The following ARFGEF3 variants were observed in gnomAD, a reference collection of about 807,000 sequenced individuals.
ARFGEF3 encodes the protein ARFGEF family member 3.
ARFGEF3 carries 96 observed loss-of-function variants against 221.7 expected under a neutral mutation model. That is an observed-to-expected ratio of 0.43 (90% CI 0.37 to 0.51). The LOEUF (loss-of-function observed/expected upper bound fraction) is 0.51. Among genes scored for constraint, ARFGEF3 ranks in the 20% least tolerant of loss-of-function variants. The pLI is 0.00. For missense variants in ARFGEF3, 2,410 were observed against 2,789.9 expected, an observed-to-expected ratio of 0.86 and a Z score of 3.07; for synonymous variants, 1,145 against 1,126.8, an observed-to-expected ratio of 1.02 and a Z score of -0.32.
At chr6:138,331,139 A>G (rs1250183475) in intron 32 of ARFGEF3, among the ~76,000 whole-genome samples, 1 of 152,264 alleles carries the variant, frequency 6.6e-6, no homozygotes, top group Non-Finnish European at 1.5e-5. Context: ...AGAACAGCCT[A>G]ATGTCCTTAT....
chr6:138,259,045 A>G (rs1459443381), intron 10 of ARFGEF3, among the ~76,000 whole-genome samples: 1 of 152,334 alleles, frequency 6.6e-6, no homozygotes, highest in Middle Eastern at 3.4e-3. Context: ...ATTTGATGGT[A>G]GCACCCAAGT....
chr6:138,190,560 A>G (rs1777284586), intron 2 of ARFGEF3, among the ~76,000 whole-genome samples: 1 of 152,238 alleles, frequency 6.6e-6, no homozygotes, highest in African/African-American at 2.4e-5. Flanking sequence ...TCTGAGGCTA[A>G]ATTTAATGGT....
At chr6:138,184,553 A>G (rs1370808895) in intron 2 of ARFGEF3, among the ~76,000 whole-genome samples, 2 of 152,238 alleles carry the variant, frequency 1.3e-5, no homozygotes, top group Non-Finnish European at 2.9e-5. Flanking sequence ...GGATTTAAGT[A>G]GCATTATTTC....
At position 138,291,723 on chromosome 6, in the gene ARFGEF3, C is replaced by G; in HGVS notation, c.3048-10C>G. The G allele has an allele frequency of 1.5e-6, 2 of 1,336,304 alleles. No homozygotes were observed. Among genetic ancestry groups the G allele is most frequent in the Non-Finnish European group, 1.9e-6 (2 of 1,036,094 alleles). 82.8% of individuals were successfully genotyped at this position (1,336,304 alleles called of 1,614,324 possible). A position where few individuals can be genotyped will look rare whatever the true frequency, so the allele number is the denominator to read the frequency against. On this transcript the variant is annotated splice_polypyrimidine_tract_variant and intron_variant, in intron 18 of 33. Transcript: ENST00000251691. This position sits in a 1 kb window ranked among gnomAD's most constrained non-coding sequence, Gnocchi z 4.5. ...AGCGCCTAACAGCTGCTTGTCTGTG[C>G]TCTTTCTAGGGTGTGTGAATACGTG...
At chr6:138,267,244 CAAAACCCCGCCTCTACTA>C (rs1230936286) in intron 12 of ARFGEF3, among the ~76,000 whole-genome samples, 1 of 151,922 alleles carries the variant, frequency 6.6e-6, no homozygotes, top group Non-Finnish European at 1.5e-5. Flanking sequence ...GCCAACATGG[CAAAACCCCGCCTCTACTA>C]AAAAGACAAA....
chr6:138,219,123 T>G (rs79306794), intron 4 of ARFGEF3, among the ~76,000 whole-genome samples: 1,763 of 152,246 alleles, frequency 0.012, 34 homozygotes, highest in African/African-American at 0.039. Context: ...GGAGAAGAGT[T>G]CAGGAGGCAC....
At chr6:138,321,060 AC>A in intron 28 of ARFGEF3, 50 bp from the exon 29 acceptor site, 1 of 1,027,224 alleles carries the variant, frequency 9.7e-7, no homozygotes, top group South Asian at 1.5e-5. Context: ...ATTTCAATCT[AC>A]CCCTTTACAC....
intron 7 of ARFGEF3, among the ~76,000 whole-genome samples, chr6:138,244,274 C>T (rs959574951): frequency 7.2e-5 from 11 of 152,236 alleles, no homozygotes; most frequent in Non-Finnish European, 1.5e-4. Context: ...CTTACTTTCT[C>T]TCTTACACAT....
intron 12 of ARFGEF3, among the ~76,000 whole-genome samples, chr6:138,269,142 G>T (rs1296633918): frequency 2.0e-5 from 3 of 152,164 alleles, no homozygotes; most frequent in Admixed American, 1.3e-4. Flanking sequence ...CTCCCTCCTC[G>T]GGTGTCCCGC....
intron 27 of ARFGEF3, among the ~76,000 whole-genome samples, chr6:138,319,293 A>T (rs979377095): frequency 6.6e-6 from 1 of 151,126 alleles, no homozygotes; most frequent in African/African-American, 2.4e-5. Flanking sequence ...AAAAAAAAAA[A>T]TGAGTATGCA....
In ARFGEF3 at chr6:138,255,789, C is replaced by T. The variant is rs773721398; in HGVS notation, c.1104+20C>T. On this transcript the variant is annotated intron_variant, in intron 10 of 33. Transcript: ENST00000251691. ...AAAGAGGTGAGGAGGCACTGGAGAT[C>T]GCCACCAGGTTTACAAGGGGGCCTG... 1.2e-5 allele frequency: 18 copies of T among 1,493,542 alleles called. No individual in the cohort carries two copies. Among genetic ancestry groups the T allele is most frequent in the Middle Eastern group, 2.1e-4 (1 of 4,842 alleles). The allele number at this position is 1,493,542 out of a possible 1,614,324, so 92.5% of individuals were successfully genotyped here.
Position 138,333,753 on chromosome 6 carries a change from A to AT in ARFGEF3, c.5124-210dup, listed in dbSNP as rs368400689. On this transcript the variant is annotated intron_variant, in intron 32 of 33. Coordinates refer to ENST00000251691, the MANE Select transcript of ARFGEF3 (RefSeq NM_020340.5). ...CACCGCGCTCGGCCCAGCTTCAGGA[A>AT]TTTTTTTAAGTGTCAAGAACTCCAC... Among the ~76,000 whole-genome samples, 18 of 152,212 alleles carry AT rather than the reference A, an allele frequency of 1.2e-4. No homozygotes were observed. The South Asian group carries it at 3.3e-3, about 28-fold the overall frequency.
rs1351868930 is a variant in ARFGEF3 at position 138,343,454 on chromosome 6, G to A, written c.*6968G>A. ...TTTTGCCTCTGTGGATGGAAATAAG[G>A]GTGTTTTTTTTTGGTTTTTTTTTTA... On this transcript the variant is annotated 3_prime_UTR_variant, in exon 34 of 34. Transcript: ENST00000251691. 3.0e-5 allele frequency: 4 copies of A among 134,732 alleles called. No homozygotes were observed. The highest frequency in any genetic ancestry group is 5.9e-5 in the Non-Finnish European group (4 of 67,556). 8.3% of individuals were successfully genotyped at this position (134,732 alleles called of 1,614,324 possible).
chr6:138,193,645 G>A (rs574925022), intron 2 of ARFGEF3, among the ~76,000 whole-genome samples: 1 of 152,246 alleles, frequency 6.6e-6, no homozygotes, highest in East Asian at 1.9e-4. Context: ...GTGTTAACTG[G>A]TAATGGATTG....
At chr6:138,304,913 G>T (rs960602351) in intron 22 of ARFGEF3, among the ~76,000 whole-genome samples, 3 of 152,078 alleles carry the variant, frequency 2.0e-5, no homozygotes, top group Non-Finnish European at 4.4e-5. Flanking sequence ...AATGTGGATT[G>T]GTTAGACCAA....
intron 13 of ARFGEF3, 133 bp from the exon 14 acceptor site, chr6:138,279,866 C>A: frequency 3.8e-6 from 3 of 783,102 alleles, no homozygotes; most frequent in Non-Finnish European, 6.1e-6. Context: ...TCCCCACTTG[C>A]CGCCCCCTTA....
Position 138,162,211 on chromosome 6 carries a change from C to T in ARFGEF3, c.85+40C>T, listed in dbSNP as rs372663267. 2 of 1,522,644 alleles carry T rather than the reference C, an allele frequency of 1.3e-6. No individual in the cohort carries two copies. Among genetic ancestry groups the T allele is most frequent in the East Asian group, 2.4e-5 (1 of 41,176 alleles). 94.3% of individuals were successfully genotyped at this position (1,522,644 alleles called of 1,614,324 possible). On this transcript the variant is annotated intron_variant, in intron 1 of 33. Coordinates refer to ENST00000251691, the MANE Select transcript of ARFGEF3 (RefSeq NM_020340.5). The surrounding 1 kb of genome is among the most constrained non-coding windows in gnomAD (Gnocchi z 4.7). Reference sequence around the variant, plus strand: ...CCTGCTCGCCGCGGCGGGAGGGCCGCGCGGCCGGGGCTGAACCCGCGCCTC... The same window carrying T: ...CCTGCTCGCCGCGGCGGGAGGGCCGTGCGGCCGGGGCTGAACCCGCGCCTC...
chr6:138,313,993 A>C lies in ARFGEF3; in HGVS notation c.4345+54A>C. On this transcript the variant is annotated intron_variant, in intron 26 of 33. Coordinates refer to ENST00000251691, the MANE Select transcript of ARFGEF3 (RefSeq NM_020340.5). ...TTATTTGCTGTGTTCATATTCCCAG[A>C]AGCTTAAGTCATAAATGAAGTACCT... 1.3e-5 allele frequency: 20 copies of C among 1,573,434 alleles called. No individual in the cohort carries two copies. The South Asian group carries it at 2.3e-4, about 18-fold the overall frequency.
At chr6:138,193,518 T>C (rs957376244) in intron 2 of ARFGEF3, among the ~76,000 whole-genome samples, 2 of 152,224 alleles carry the variant, frequency 1.3e-5, no homozygotes, top group African/African-American at 4.8e-5. Context: ...CCTGGACATG[T>C]AGTAGGCTAA....
Sources: gnomAD v4.1 joint callset for allele counts (sites outside exome capture counted in the v4.1 genomes callset) on GRCh38, gnomAD v4.1.1 for gene constraint, Gnocchi (gnomAD v3.1) non-coding constraint, MANE v1.5 for transcripts, NCBI Gene and HGNC (gene_info 2026-07-23, HGNC 2026-07-21) for gene names.